SMARCC1: variants seen among roughly 807,000 people sequenced by gnomAD.
The protein encoded by SMARCC1 is SWI/SNF complex subunit SMARCC1.
A neutral mutation model predicts 147.4 loss-of-function variants in SMARCC1; 43 were observed. That is an observed-to-expected ratio of 0.29 (90% CI 0.23 to 0.38). The LOEUF (loss-of-function observed/expected upper bound fraction) is 0.38, where lower values mean the gene tolerates loss of function less well. SMARCC1 is among the 10% of genes least tolerant of loss of function. SMARCC1 has a pLI of 1.00. For missense variants in SMARCC1, 1,119 were observed against 1,381.1 expected, an observed-to-expected ratio of 0.81 and a Z score of 3.01; for synonymous variants, 495 against 484.4, an observed-to-expected ratio of 1.02 and a Z score of -0.29.
At chr3:47,684,321 CAG>C (rs1419592213) in intron 14 of SMARCC1, among the ~76,000 whole-genome samples, 1 of 151,516 alleles carries the variant, frequency 6.6e-6, no homozygotes, top group Non-Finnish European at 1.5e-5. Flanking sequence ...CTGTAAAAAT[CAG>C]AGACGATGCT....
intron 1 of SMARCC1, among the ~76,000 whole-genome samples, chr3:47,774,353 C>T (rs1450545745): frequency 2.0e-5 from 3 of 151,808 alleles, no homozygotes; most frequent in Admixed American, 6.6e-5. Flanking sequence ...TGGCGCACAC[C>T]TGTCCCCATG....
chr3:47,624,042 A>C (rs777152689), intron 24 of SMARCC1, among the ~76,000 whole-genome samples: 5 of 152,048 alleles, frequency 3.3e-5, no homozygotes, highest in Non-Finnish European at 7.4e-5. Flanking sequence ...TAATCTCAGC[A>C]CTTTTGGGAG....
At chr3:47,618,544 C>T (rs957835668) in intron 25 of SMARCC1, among the ~76,000 whole-genome samples, 3 of 151,774 alleles carry the variant, frequency 2.0e-5, no homozygotes, top group African/African-American at 2.4e-5. Context: ...TGAGCCCTGT[C>T]CTCCCAGAAA....
chr3:47,758,060 A>T (rs2034722823), intron 2 of SMARCC1, among the ~76,000 whole-genome samples: 1 of 152,166 alleles, frequency 6.6e-6, no homozygotes. Context: ...CAAAATGAAT[A>T]AAAAAAATTG....
chr3:47,770,130 A>T (rs1360864667), intron 2 of SMARCC1, among the ~76,000 whole-genome samples: 2 of 152,040 alleles, frequency 1.3e-5, no homozygotes, highest in Non-Finnish European at 2.9e-5. Flanking sequence ...CGGGAGGCTG[A>T]GGCAGGAGAA....
intron 19 of SMARCC1, among the ~76,000 whole-genome samples, chr3:47,667,368 T>C (rs1425133307): frequency 1.3e-5 from 2 of 150,646 alleles, no homozygotes; most frequent in Non-Finnish European, 2.9e-5. Context: ...GATAAATAAA[T>C]GTTAATAAAT....
chr3:47,710,090 G>T (rs781346511), intron 9 of SMARCC1, among the ~76,000 whole-genome samples: 1 of 152,110 alleles, frequency 6.6e-6, no homozygotes, highest in Non-Finnish European at 1.5e-5. Flanking sequence ...GCCAAGGCAG[G>T]CTGATCACCT....
At chr3:47,696,460 G>C (rs527451195) in intron 11 of SMARCC1, among the ~76,000 whole-genome samples, 57 of 151,384 alleles carry the variant, frequency 3.8e-4, no homozygotes, top group African/African-American at 1.4e-3. Context: ...TCCTTTTCAA[G>C]TAGTATAAGC....
At chr3:47,593,015 C>A (rs2032211181) in intron 26 of SMARCC1, among the ~76,000 whole-genome samples, 2 of 151,524 alleles carry the variant, frequency 1.3e-5, no homozygotes, top group Non-Finnish European at 2.9e-5. Context: ...TTAGTAGAGA[C>A]GGGGTTTCAC....
intron 8 of SMARCC1, among the ~76,000 whole-genome samples, chr3:47,712,890 A>C (rs538558160): frequency 2.0e-5 from 3 of 152,302 alleles, no homozygotes; most frequent in Admixed American, 2.0e-4. Flanking sequence ...CTGATACTAT[A>C]ATCTACAGGG....
chr3:47,606,692 T>C (rs2106663660), intron 26 of SMARCC1, among the ~76,000 whole-genome samples: 1 of 152,224 alleles, frequency 6.6e-6, no homozygotes, highest in East Asian at 1.9e-4. Context: ...AGAAACTGAA[T>C]TTTTATTTAT....
At chr3:47,769,522 C>T (rs572294777) in intron 2 of SMARCC1, among the ~76,000 whole-genome samples, 2 of 152,044 alleles carry the variant, frequency 1.3e-5, no homozygotes, top group African/African-American at 4.8e-5. Context: ...CCACCGCACT[C>T]CGCCAACCAT....
intron 26 of SMARCC1, among the ~76,000 whole-genome samples, chr3:47,595,495 C>G (rs979801387): frequency 6.6e-6 from 1 of 151,606 alleles, no homozygotes; most frequent in African/African-American, 2.4e-5. Flanking sequence ...CCATTGCACT[C>G]CAGCCTGGGC....
rs544888184 is a variant in SMARCC1 at position 47,586,528 on chromosome 3, C to G, written c.*1681G>C. 2.6e-5 allele frequency: 4 copies of G among 152,696 alleles called. No individual in the cohort carries two copies. The East Asian group carries it at 7.7e-4, about 29-fold the overall frequency. 9.5% of individuals were successfully genotyped at this position (152,696 alleles called of 1,614,324 possible). A position where few individuals can be genotyped will look rare whatever the true frequency, so the allele number is the denominator to read the frequency against. ...GTACTCTGATGGTGACCAGGGACAC[C>G]TGGTTAGAGGCAAACCTGAGGGTTT... is the stretch of plus-strand genomic sequence containing the variant. On this transcript the variant is annotated 3_prime_UTR_variant, in exon 28 of 28. Coordinates refer to ENST00000254480, the MANE Select transcript of SMARCC1 (RefSeq NM_003074.4).
intron 5 of SMARCC1, 54 bp downstream of exon 5, chr3:47,735,980 C>A: frequency 1.3e-6 from 1 of 793,072 alleles, no homozygotes; most frequent in East Asian, 2.9e-5. Flanking sequence ...AGGCTTACAA[C>A]TACAAAATGA....
chr3:47,638,841 T>C (rs2033009548), intron 21 of SMARCC1, 61 bp from the exon 22 acceptor site: 1 of 1,127,078 alleles, frequency 8.9e-7, no homozygotes, highest in Non-Finnish European at 1.4e-6. Flanking sequence ...GCTATTATTA[T>C]ACAGCTGTGA....
intron 6 of SMARCC1, among the ~76,000 whole-genome samples, chr3:47,721,086 T>C (rs1168162284): frequency 2.0e-5 from 3 of 152,190 alleles, no homozygotes; most frequent in South Asian, 2.1e-4. Flanking sequence ...TCACTTCCCA[T>C]GGTGAACCTC....
At chr3:47,620,154 G>C (rs971362800) in intron 25 of SMARCC1, among the ~76,000 whole-genome samples, 1 of 152,074 alleles carries the variant, frequency 6.6e-6, no homozygotes, top group Non-Finnish European at 1.5e-5. Flanking sequence ...TCTTTATCTA[G>C]TCAACTCATT....
intron 14 of SMARCC1, 36 bp from the exon 15 acceptor site, chr3:47,680,544 C>T (rs373195639): frequency 0.01 from 3,689 of 362,780 alleles, no homozygotes; most frequent in Middle Eastern, 0.018. Context: ...TAGGAGTGTT[C>T]TTTTTTTTTT....
Sources: allele counts gnomAD v4.1 joint callset (sites outside exome capture counted in the v4.1 genomes callset), GRCh38; gene constraint gnomAD v4.1.1; transcripts MANE v1.5; gene names NCBI Gene and HGNC (gene_info 2026-07-23, HGNC 2026-07-21).